CABCOCO1: variants seen among roughly 807,000 people sequenced by gnomAD.
CABCOCO1 encodes the protein ciliary-associated calcium-binding coiled-coil protein 1.
In CABCOCO1, 28 loss-of-function variants were observed where a neutral mutation model predicts 35.7. The ratio of observed to expected loss-of-function variants is 0.78; its 90% CI spans 0.58 to 1.07. The LOEUF is 1.07. Among genes scored for constraint, CABCOCO1 ranks in the 50% least tolerant of loss-of-function variants. The pLI is 0.00. For missense variants in CABCOCO1, 326 were observed against 309.2 expected (o/e 1.05, Z -0.41); for synonymous variants, 95 against 100.1 (o/e 0.95, Z 0.30).
intron 5 of CABCOCO1, among the ~76,000 whole-genome samples, chr10:61,751,854 A>G (rs1841795933): frequency 6.6e-6 from 1 of 152,194 alleles, no homozygotes; most frequent in Admixed American, 6.5e-5. Flanking sequence ...AACTCTGACT[A>G]CACATTTAAG....
chr10:61,703,732 C>CAT (rs1289440226), intron 5 of CABCOCO1, among the ~76,000 whole-genome samples: 3 of 152,044 alleles, frequency 2.0e-5, no homozygotes, highest in Non-Finnish European at 4.4e-5. Context: ...CTCACACACA[C>CAT]ACACACATAT....
intron 5 of CABCOCO1, among the ~76,000 whole-genome samples, chr10:61,737,617 T>C (rs899737855): frequency 6.6e-6 from 1 of 152,192 alleles, no homozygotes; most frequent in Non-Finnish European, 1.5e-5. Context: ...TGGAATATTA[T>C]GCAGCCATAA....
At chr10:61,719,381 T>C (rs1840942261) in intron 5 of CABCOCO1, among the ~76,000 whole-genome samples, 1 of 152,124 alleles carries the variant, frequency 6.6e-6, no homozygotes, top group South Asian at 2.1e-4. Flanking sequence ...GAGTACACAC[T>C]GAGTTGCTGG....
chr10:61,706,724 T>C (rs1249996305), intron 5 of CABCOCO1, among the ~76,000 whole-genome samples: 1 of 152,172 alleles, frequency 6.6e-6, no homozygotes, highest in African/African-American at 2.4e-5. Context: ...CTACCTATGC[T>C]GGCAGGGTGC....
chr10:61,724,990 TTTC>T (rs1841110647), intron 5 of CABCOCO1, among the ~76,000 whole-genome samples: 1 of 152,220 alleles, frequency 6.6e-6, no homozygotes, highest in East Asian at 1.9e-4. Flanking sequence ...CGAATATCTT[TTTC>T]TTATATTAGT....
At chr10:61,680,256 G>A (rs2131970967) in intron 2 of CABCOCO1, among the ~76,000 whole-genome samples, 2 of 148,514 alleles carry the variant, frequency 1.3e-5, no homozygotes, top group South Asian at 2.1e-4. Flanking sequence ...CGGTTGCAGT[G>A]AGCCAAGATC....
At chr10:61,728,022 C>A (rs142365856) in intron 5 of CABCOCO1, among the ~76,000 whole-genome samples, 1 of 152,108 alleles carries the variant, frequency 6.6e-6, no homozygotes, top group Admixed American at 6.6e-5. Context: ...TATTTCTAGA[C>A]GCTTAAAACC....
chr10:61,708,992 C>G lies in CABCOCO1; in HGVS notation c.552+18371C>G, dbSNP rs140258716. Among the ~76,000 whole-genome samples, 887 of 152,188 alleles carry G rather than the reference C, an allele frequency of 5.8e-3. 9 individuals carry two copies. Among genetic ancestry groups the G allele is most frequent in the Middle Eastern group, 0.044 (13 of 294 alleles). Reference sequence around the variant, plus strand: ...CACTGTTCATTTCTTTAAAAAACCTCCCAAATATCAGATTACTGCCCATGG... The same window carrying G: ...CACTGTTCATTTCTTTAAAAAACCTGCCAAATATCAGATTACTGCCCATGG... On this transcript the variant is annotated intron_variant, in intron 5 of 7. Transcript: ENST00000648843.
At chr10:61,737,909 CAT>C (rs1467008714) in intron 5 of CABCOCO1, among the ~76,000 whole-genome samples, 2 of 152,044 alleles carry the variant, frequency 1.3e-5, no homozygotes, top group Non-Finnish European at 2.9e-5. Flanking sequence ...CCCTGTGACA[CAT>C]GTTTACCTAT....
chr10:61,752,379 A>AAG (rs10696160), intron 5 of CABCOCO1, among the ~76,000 whole-genome samples: 1 of 150,894 alleles, frequency 6.6e-6, no homozygotes, highest in Non-Finnish European at 1.5e-5. Context: ...AAAAAAAAAA[A>AAG]GGGTAGGGGC....
intron 5 of CABCOCO1, among the ~76,000 whole-genome samples, chr10:61,705,625 G>A (rs114243811): frequency 3.3e-4 from 50 of 152,276 alleles, no homozygotes; most frequent in African/African-American, 1.1e-3. Flanking sequence ...CCCTAAAGAG[G>A]TATATTAGAG....
chr10:61,740,251 T>C (rs1222545907), intron 5 of CABCOCO1, among the ~76,000 whole-genome samples: 1 of 152,226 alleles, frequency 6.6e-6, no homozygotes. Flanking sequence ...GGAACTCTTG[T>C]ATAATAATCT....
intron 3 of CABCOCO1, among the ~76,000 whole-genome samples, chr10:61,683,129 G>C (rs1212273811): frequency 6.6e-6 from 1 of 152,056 alleles, no homozygotes; most frequent in Non-Finnish European, 1.5e-5. Context: ...CAGCTCAGGT[G>C]ATCTGCCCGC....
chr10:61,727,557 A>G (rs1197310747), intron 5 of CABCOCO1, among the ~76,000 whole-genome samples: 2 of 152,146 alleles, frequency 1.3e-5, no homozygotes, highest in Non-Finnish European at 1.5e-5. Context: ...TTCATCCATA[A>G]CTCTCTTCAA....
At position 61,682,142 on chromosome 10, in the gene CABCOCO1, T is replaced by A. The variant is rs144576230; in HGVS notation, c.334+830T>A. Among the ~76,000 whole-genome samples, 3 of 152,294 alleles carry A rather than the reference T, an allele frequency of 2.0e-5. No homozygotes were observed. The East Asian group carries it at 5.8e-4, about 29-fold the overall frequency. On this transcript the variant is annotated intron_variant, in intron 3 of 7. Coordinates refer to ENST00000648843, the MANE Select transcript of CABCOCO1 (RefSeq NM_001366906.2). ...CACATCCCAAATTTGAGAAGATATTTCTTTTTTAAACTTTTCCTGTAACTT... is the reference window on the plus strand; with the variant it reads ...CACATCCCAAATTTGAGAAGATATTACTTTTTTAAACTTTTCCTGTAACTT...
At chr10:61,703,658 T>C (rs1187623281) in intron 5 of CABCOCO1, among the ~76,000 whole-genome samples, 2 of 152,042 alleles carry the variant, frequency 1.3e-5, no homozygotes, top group African/African-American at 2.4e-5. Flanking sequence ...GGTATCAGTT[T>C]ATATGTAATC....
intron 5 of CABCOCO1, among the ~76,000 whole-genome samples, chr10:61,729,512 G>T (rs1841251172): frequency 6.6e-6 from 1 of 152,118 alleles, no homozygotes; most frequent in Non-Finnish European, 1.5e-5. Context: ...GTACACTGTT[G>T]GTGGGAATGC....
chr10:61,674,314 C>T (rs1259265273), intron 2 of CABCOCO1, among the ~76,000 whole-genome samples: 1 of 152,048 alleles, frequency 6.6e-6, no homozygotes, highest in African/African-American at 2.4e-5. Flanking sequence ...CAGAAGTTAG[C>T]AATATAAAAA....
chr10:61,673,785 G>A (rs533867353), intron 2 of CABCOCO1, among the ~76,000 whole-genome samples: 37 of 152,286 alleles, frequency 2.4e-4, no homozygotes, highest in African/African-American at 8.7e-4. Context: ...ATCTCTACAA[G>A]TATGAGTGAA....
Sources: gnomAD v4.1 joint callset for allele counts (sites outside exome capture counted in the v4.1 genomes callset) on GRCh38, gnomAD v4.1.1 for gene constraint, MANE v1.5 for transcripts, NCBI Gene and HGNC (gene_info 2026-07-23, HGNC 2026-07-21) for gene names.